The following CNBD1 variants were observed in gnomAD, a reference collection of about 807,000 sequenced individuals.
CNBD1 encodes the protein cyclic nucleotide-binding domain-containing protein 1.
Under a neutral mutation model 54.4 loss-of-function variants are expected in CNBD1, and 71 were observed. The observed-to-expected ratio is 1.30, with a 90% CI of 1.08 to 1.59. CNBD1 has a LOEUF of 1.59. Among genes scored for constraint, CNBD1 ranks in the 40% most tolerant of loss-of-function variants. CNBD1 has a pLI of 0.00. For missense variants in CNBD1, 659 were observed against 518.0 expected, an observed-to-expected ratio of 1.27 and a Z score of -2.64; for synonymous variants, 182 against 170.7, an observed-to-expected ratio of 1.07 and a Z score of -0.51.
At chr8:87,007,021 ACT>A (rs1809116717) in intron 4 of CNBD1, among the ~76,000 whole-genome samples, 1 of 152,038 alleles carries the variant, frequency 6.6e-6, no homozygotes, top group African/African-American at 2.4e-5. Flanking sequence ...ACATGGCAAA[ACT>A]CTGTCTCTAC....
At chr8:86,986,678 T>C (rs4961006) in intron 4 of CNBD1, among the ~76,000 whole-genome samples, 140,640 of 152,228 alleles carry the variant, frequency 0.92, 65,042 homozygotes, top group East Asian at 0.99. Context: ...CCATCTTGAG[T>C]TTATTTTTGT....
intron 6 of CNBD1, among the ~76,000 whole-genome samples, chr8:87,271,524 G>A (rs537686674): frequency 1.3e-5 from 2 of 152,024 alleles, no homozygotes; most frequent in South Asian, 4.1e-4. Flanking sequence ...TCAGGAGAAT[G>A]TTGTTTAACT....
chr8:87,036,330 C>T (rs1004301855), intron 4 of CNBD1, among the ~76,000 whole-genome samples: 5 of 151,924 alleles, frequency 3.3e-5, no homozygotes, highest in African/African-American at 1.2e-4. Context: ...CACGGTGGCT[C>T]ACGCCTGTAA....
intron 8 of CNBD1, among the ~76,000 whole-genome samples, chr8:87,303,374 C>A (rs1304222181): frequency 6.6e-6 from 1 of 151,856 alleles, no homozygotes; most frequent in Non-Finnish European, 1.5e-5. Context: ...CTGAGAAAAA[C>A]AAGCAATGGG....
At chr8:87,018,759 G>T (rs1024774537) in intron 4 of CNBD1, among the ~76,000 whole-genome samples, 1 of 152,124 alleles carries the variant, frequency 6.6e-6, no homozygotes, top group African/African-American at 2.4e-5. Context: ...AACTATACAA[G>T]CCGCCTCCCT....
rs1284035630 is a variant in CNBD1, at chr8:87,377,069, T to C, written c.1304-5551T>C. On this transcript the variant is annotated intron_variant, in intron 10 of 10. Coordinates refer to ENST00000518476, the MANE Select transcript of CNBD1 (RefSeq NM_173538.3). The stretch of plus-strand genomic sequence containing the variant: ...AACTCCAATTTTTATTTTTATTTCT[T>C]TATTTTATTTTATTTTATTTCTTAT... Among the ~76,000 whole-genome samples the C allele has an allele frequency of 5.9e-5, 8 of 136,416 alleles. No homozygotes were observed. The East Asian group carries it at 1.6e-3, about 27-fold the overall frequency. The allele number at this position is 136,416 out of a possible 152,430, so 89.5% of individuals were successfully genotyped here.
intron 2 of CNBD1, among the ~76,000 whole-genome samples, chr8:87,391,225 A>G (rs1293557830): frequency 6.6e-6 from 1 of 152,008 alleles, no homozygotes; most frequent in African/African-American, 2.4e-5. Flanking sequence ...CATGTACCCT[A>G]AAACTTAAAG....
At chr8:87,308,841 A>G (rs1418618921) in intron 8 of CNBD1, among the ~76,000 whole-genome samples, 1 of 152,098 alleles carries the variant, frequency 6.6e-6, no homozygotes, top group Admixed American at 6.6e-5. Flanking sequence ...AACATGCAAT[A>G]TATGTCTTTA....
At chr8:87,098,830 G>T (rs1478228671) in intron 4 of CNBD1, among the ~76,000 whole-genome samples, 1 of 151,224 alleles carries the variant, frequency 6.6e-6, no homozygotes, top group Non-Finnish European at 1.5e-5. Context: ...GAGGTCAGGA[G>T]TTTGAGACCA....
At chr8:86,965,953 C>G (rs1808061449) in intron 4 of CNBD1, among the ~76,000 whole-genome samples, 1 of 152,064 alleles carries the variant, frequency 6.6e-6, no homozygotes, top group Admixed American at 6.5e-5. Flanking sequence ...GAGGGTACCT[C>G]CTCTCTGCAG....
At chr8:87,425,101 A>G (rs945948975) in intron 2 of CNBD1, among the ~76,000 whole-genome samples, 49 of 151,898 alleles carry the variant, frequency 3.2e-4, no homozygotes, top group Admixed American at 1.6e-3. Flanking sequence ...CCTTTCTTCC[A>G]GTTGATCGCA....
chr8:87,149,760 G>A (rs1189701086), intron 4 of CNBD1, among the ~76,000 whole-genome samples: 1 of 152,088 alleles, frequency 6.6e-6, no homozygotes, highest in Non-Finnish European at 1.5e-5. Flanking sequence ...AAAAAAAATA[G>A]TTTAAATCAG....
intron 2 of CNBD1, among the ~76,000 whole-genome samples, chr8:87,393,231 A>G (rs79155915): frequency 0.019 from 2,867 of 151,942 alleles, 92 homozygotes; most frequent in African/African-American, 0.062. Context: ...CCTATTTAGG[A>G]GAAAGCGAGA....
At chr8:87,024,249 A>G (rs1228931529) in intron 4 of CNBD1, among the ~76,000 whole-genome samples, 19 of 35,860 alleles carry the variant, frequency 5.3e-4, no homozygotes, top group South Asian at 3.4e-3. Flanking sequence ...AAAAAAAAAG[A>G]AAAAAAAAAA....
chr8:87,282,213 T>C (rs779834753), intron 6 of CNBD1, among the ~76,000 whole-genome samples: 59 of 151,780 alleles, frequency 3.9e-4, no homozygotes, highest in Non-Finnish European at 1.6e-4. Context: ...ATAAAGATTC[T>C]CAAATATTTT....
chr8:86,927,302 G>A (rs1449373990), intron 3 of CNBD1, among the ~76,000 whole-genome samples: 6 of 152,090 alleles, frequency 3.9e-5, no homozygotes, highest in Admixed American at 3.9e-4. Context: ...GGATAAGAAG[G>A]CATTCATTAG....
At chr8:86,978,661 G>T (rs891152533) in intron 4 of CNBD1, among the ~76,000 whole-genome samples, 2 of 147,738 alleles carry the variant, frequency 1.4e-5, no homozygotes, top group South Asian at 4.3e-4. Flanking sequence ...TCCTGCCTCA[G>T]CCTTCAGAGT....
chr8:86,996,595 G>A (rs1034058032), intron 4 of CNBD1, among the ~76,000 whole-genome samples: 2 of 152,080 alleles, frequency 1.3e-5, no homozygotes, highest in African/African-American at 4.8e-5. Context: ...TTTTAAAATC[G>A]ACATATTTTT....
intron 6 of CNBD1, among the ~76,000 whole-genome samples, chr8:87,280,395 C>T (rs1808576320): frequency 6.6e-6 from 1 of 151,352 alleles, no homozygotes; most frequent in South Asian, 2.1e-4. Flanking sequence ...AATAGATGTA[C>T]AAATAATCAC....
Sources: gnomAD v4.1 joint callset for allele counts (sites outside exome capture counted in the v4.1 genomes callset) on GRCh38, gnomAD v4.1.1 for gene constraint, MANE v1.5 for transcripts, NCBI Gene and HGNC (gene_info 2026-07-23, HGNC 2026-07-21) for gene names.